ASB3: variants seen among roughly 807,000 people sequenced by gnomAD.
ASB3 encodes the protein ankyrin repeat and SOCS box containing 3.
A neutral mutation model predicts 54.5 loss-of-function variants in ASB3; 41 were observed. The ratio of observed to expected loss-of-function variants is 0.75; its 90% CI spans 0.59 to 0.98. ASB3 has a LOEUF of 0.98. Ranked by LOEUF, ASB3 falls within the 50% of genes least tolerant of loss-of-function variation. The probability of loss-of-function intolerance (pLI) is 0.00; values close to 1 mark genes in which losing one functional copy is unlikely to be tolerated. For synonymous variants in ASB3, 266 were observed against 221.2 expected, an observed-to-expected ratio of 1.20 and a Z score of -1.80; for missense variants, 733 against 620.0, an observed-to-expected ratio of 1.18 and a Z score of -1.94.
chr2:53,670,731 G>A, intron 9 of ASB3, 41 bp from the exon 10 acceptor site: 2 of 1,580,424 alleles, frequency 1.3e-6, no homozygotes, highest in Non-Finnish European at 8.6e-7. Context: ...TTTTTAAACA[G>A]AAAGATGTAA....
At chr2:53,747,622 T>C (rs1672296495) in intron 3 of ASB3, among the ~76,000 whole-genome samples, 1 of 152,244 alleles carries the variant, frequency 6.6e-6, no homozygotes, top group African/African-American at 2.4e-5. Flanking sequence ...TTCATTCTTT[T>C]ATTTAACAAA....
chr2:53,690,015 T>C (rs1247111345), intron 9 of ASB3, among the ~76,000 whole-genome samples: 1 of 152,028 alleles, frequency 6.6e-6, no homozygotes, highest in African/African-American at 2.4e-5. Flanking sequence ...GAAGGATCAC[T>C]TGAGCCCAGG....
chr2:53,752,367 C>T (rs976359714), intron 2 of ASB3, among the ~76,000 whole-genome samples: 3 of 152,106 alleles, frequency 2.0e-5, no homozygotes, highest in Non-Finnish European at 4.4e-5. Flanking sequence ...TAAAGGAAAG[C>T]TCCCAGCTAA....
chr2:53,735,439 C>T (rs911204979), intron 3 of ASB3, among the ~76,000 whole-genome samples: 8 of 149,966 alleles, frequency 5.3e-5, no homozygotes, highest in Non-Finnish European at 1.2e-4. Context: ...ACATGCAAAA[C>T]CTCTAAACTG....
At chr2:53,751,367 T>C (rs533905166) in intron 2 of ASB3, among the ~76,000 whole-genome samples, 1 of 152,316 alleles carries the variant, frequency 6.6e-6, no homozygotes, top group African/African-American at 2.4e-5. Flanking sequence ...TACTTCCTTG[T>C]AGTCAACTAA....
At chr2:53,726,773 T>G (rs1002530871) in intron 5 of ASB3, among the ~76,000 whole-genome samples, 52 of 152,024 alleles carry the variant, frequency 3.4e-4, no homozygotes, top group African/African-American at 1.1e-3. Context: ...CTTAGCTCAC[T>G]ACAACCTCTG....
chr2:53,730,070 A>G (rs1409319968), intron 3 of ASB3, among the ~76,000 whole-genome samples: 2 of 152,216 alleles, frequency 1.3e-5, no homozygotes, highest in Non-Finnish European at 2.9e-5. Context: ...TATATCCATC[A>G]ATGAAAATGT....
intron 2 of ASB3, among the ~76,000 whole-genome samples, chr2:53,757,213 A>G (rs10181876): frequency 0.2 from 29,998 of 152,186 alleles, 3,556 homozygotes; most frequent in African/African-American, 0.33. Flanking sequence ...CCTGTCAGCC[A>G]GTTAAAAATA....
At chr2:53,710,964 A>C (rs1369642455) in intron 7 of ASB3, among the ~76,000 whole-genome samples, 1 of 117,078 alleles carries the variant, frequency 8.5e-6, no homozygotes, top group African/African-American at 3.5e-5. Context: ...GTCTCTACAA[A>C]AAATACAAAA....
chr2:53,777,533 T>C (rs1674407722), intron 1 of ASB3, among the ~76,000 whole-genome samples: 1 of 152,198 alleles, frequency 6.6e-6, no homozygotes, highest in African/African-American at 2.4e-5. Flanking sequence ...TCTCTCAACC[T>C]CTTCATATGT....
chr2:53,700,308 C>T lies in ASB3; in HGVS notation c.1201G>A (p.Ala401Thr). 1 of 1,613,952 alleles carries T rather than the reference C, an allele frequency of 6.2e-7. No individual in the cohort carries two copies. The highest frequency in any genetic ancestry group is 1.1e-5 in the South Asian group (1 of 91,040). The change falls in exon 8 of 10, where the codon GCT becomes ACT. Residue 401 changes from alanine (A) to threonine (T), a missense_variant. Physicochemically the swap from Ala to Thr is moderately conservative, Grantham distance 58 (BLOSUM62 0). Transcript: ENST00000263634. ...AGTAGAATCAGTGGGTCAAATCCAG[C>T]AACCAGAAGATGTGGCAACCACTCC... ...YKEWLPHLLV[A>T]GFDPLILLCN...
chr2:53,765,710 A>G, intron 1 of ASB3, 125 bp from the exon 2 acceptor site: 2 of 1,086,908 alleles, frequency 1.8e-6, no homozygotes, highest in Non-Finnish European at 2.6e-6. Context: ...GGCCCACAAT[A>G]CAGAAAGTGA....
chr2:53,767,809 C>G, intron 1 of ASB3: 1 of 1,526,072 alleles, frequency 6.6e-7, no homozygotes. Flanking sequence ...CGGTTACTCG[C>G]TTACCGGAGG....
At chr2:53,726,599 C>T (rs529103287) in intron 5 of ASB3, among the ~76,000 whole-genome samples, 4 of 150,458 alleles carry the variant, frequency 2.7e-5, no homozygotes, top group South Asian at 2.1e-4. Flanking sequence ...TATATATATA[C>T]ACACACACAT....
At chr2:53,764,665 C>T (rs1364381474) in intron 2 of ASB3, among the ~76,000 whole-genome samples, 1 of 152,118 alleles carries the variant, frequency 6.6e-6, no homozygotes, top group Non-Finnish European at 1.5e-5. Context: ...GGAAGAAAGC[C>T]CAGTTTATAG....
At chr2:53,734,019 C>A (rs1039418362) in intron 3 of ASB3, among the ~76,000 whole-genome samples, 7 of 152,210 alleles carry the variant, frequency 4.6e-5, no homozygotes, top group Admixed American at 3.9e-4. Context: ...AGATCGGTCA[C>A]GCTATTGTTT....
intron 7 of ASB3, among the ~76,000 whole-genome samples, chr2:53,709,960 A>C (rs1669998171): frequency 6.6e-6 from 1 of 152,218 alleles, no homozygotes; most frequent in Non-Finnish European, 1.5e-5. Context: ...GGAGGCTTTT[A>C]TAGAGAGAAA....
At chr2:53,719,832 G>C (rs1057169316) in intron 5 of ASB3, among the ~76,000 whole-genome samples, 3 of 152,068 alleles carry the variant, frequency 2.0e-5, no homozygotes, top group East Asian at 1.9e-4. Context: ...TCTTACAAGG[G>C]GGGAGGATCG....
intron 9 of ASB3, among the ~76,000 whole-genome samples, chr2:53,674,711 C>G (rs140214335): frequency 1.3e-3 from 202 of 152,188 alleles, no homozygotes; most frequent in Non-Finnish European, 2.5e-3. Context: ...TCTGAGACAC[C>G]TACTACCATT....
Sources: gnomAD v4.1 joint callset for allele counts (sites outside exome capture counted in the v4.1 genomes callset) on GRCh38, gnomAD v4.1.1 for gene constraint, MANE v1.5 for transcripts, NCBI Gene and HGNC (gene_info 2026-07-23, HGNC 2026-07-21) for gene names.